The following RBM20 variants were observed in gnomAD, a reference collection of about 807,000 sequenced individuals.
The protein encoded by RBM20 is RNA binding motif protein 20, also known as RNA-binding protein 20.
Under a neutral mutation model 110.1 loss-of-function variants are expected in RBM20, and 51 were observed. That is an observed-to-expected ratio of 0.46 (90% confidence interval 0.37 to 0.59). RBM20 has a LOEUF of 0.59. Ranked by LOEUF, RBM20 falls within the 20% of genes least tolerant of loss-of-function variation. RBM20 has a pLI of 0.00. For missense variants in RBM20, 1,512 were observed against 1,574.9 expected (o/e 0.96, Z 0.68); for synonymous variants, 589 against 618.2 (o/e 0.95, Z 0.70).
At chr10:110,720,695 AC>A (rs1488228856) in intron 1 of RBM20, among the ~76,000 whole-genome samples, 2 of 146,224 alleles carry the variant, frequency 1.4e-5, no homozygotes, top group Non-Finnish European at 3.0e-5. Flanking sequence ...TGTCCATCCC[AC>A]CCTGCCCCTG....
intron 7 of RBM20, among the ~76,000 whole-genome samples, chr10:110,802,035 G>A (rs1844632929): frequency 6.6e-6 from 1 of 152,114 alleles, no homozygotes; most frequent in Admixed American, 6.5e-5. Context: ...GGAGCACGTA[G>A]TCTATTTGGA....
intron 1 of RBM20, among the ~76,000 whole-genome samples, chr10:110,697,573 A>G (rs1395550217): frequency 1.3e-5 from 2 of 152,204 alleles, no homozygotes; most frequent in South Asian, 4.1e-4. Flanking sequence ...GGCAGCCAGA[A>G]ATGTGGCACA....
intron 1 of RBM20, among the ~76,000 whole-genome samples, chr10:110,764,689 T>C (rs987847404): frequency 3.9e-5 from 6 of 152,172 alleles, no homozygotes; most frequent in African/African-American, 1.4e-4. Flanking sequence ...AGGCTTGTCA[T>C]GATTGGCATG....
At chr10:110,693,134 CT>C (rs1230607749) in intron 1 of RBM20, among the ~76,000 whole-genome samples, 1 of 151,994 alleles carries the variant, frequency 6.6e-6, no homozygotes, top group Non-Finnish European at 1.5e-5. Flanking sequence ...GTGTATAATT[CT>C]TTAAATATGC....
intron 1 of RBM20, among the ~76,000 whole-genome samples, chr10:110,733,211 T>C (rs1030263437): frequency 6.6e-6 from 1 of 152,244 alleles, no homozygotes; most frequent in Non-Finnish European, 1.5e-5. Flanking sequence ...TCTTGGGATC[T>C]CTTTCTGCCC....
chr10:110,760,207 G>T (rs140606085), intron 1 of RBM20, among the ~76,000 whole-genome samples: 3 of 152,198 alleles, frequency 2.0e-5, no homozygotes, highest in African/African-American at 7.2e-5. Context: ...CACCTGAATC[G>T]GGTGCTTTGG....
intron 1 of RBM20, among the ~76,000 whole-genome samples, chr10:110,766,273 G>A (rs1287216517): frequency 1.3e-5 from 2 of 151,976 alleles, no homozygotes; most frequent in South Asian, 2.1e-4. Context: ...GTATCTAACC[G>A]TTGTGAGGTT....
In RBM20 at chr10:110,812,063, AG is replaced by A. The variant is rs140844165; in HGVS notation, c.1881-214del. Among the ~76,000 whole-genome samples, 6,734 of 152,314 alleles carry A rather than the reference AG, an allele frequency of 0.044. 180 individuals are homozygous for A. The highest frequency in any genetic ancestry group is 0.085 in the South Asian group (410 of 4,820). On this transcript the variant is annotated intron_variant, in intron 8 of 13. Transcript: ENST00000369519. Reference sequence around the variant, plus strand: ...ATGAGTAAAGGCACAGCGAGTGGCCAGTGCTGTGCTTAGGAGAAGTCCTCTG... The same window carrying A: ...ATGAGTAAAGGCACAGCGAGTGGCCATGCTGTGCTTAGGAGAAGTCCTCTG...
intron 1 of RBM20, chr10:110,761,109 A>G (rs138383045): frequency 6.7e-6 from 1 of 149,740 alleles, no homozygotes; most frequent in East Asian, 2.0e-4. Context: ...AAAAAAAAAA[A>G]AAAAAAGAAA....
chr10:110,670,708 G>A (rs984600476), intron 1 of RBM20, among the ~76,000 whole-genome samples: 4 of 152,190 alleles, frequency 2.6e-5, no homozygotes, highest in East Asian at 1.9e-4. Context: ...TGCTCTTGAC[G>A]CAGGAAATAT....
intron 1 of RBM20, among the ~76,000 whole-genome samples, chr10:110,752,946 T>TATATATATATATATA (rs372172985): frequency 5.9e-4 from 37 of 62,290 alleles, no homozygotes; most frequent in African/African-American, 1.5e-3. Context: ...TATATATATA[T>TATATATATATATATA]TTTTTTTTTT....
intron 1 of RBM20, among the ~76,000 whole-genome samples, chr10:110,753,441 A>T (rs1187526957): frequency 6.6e-6 from 1 of 152,220 alleles, no homozygotes; most frequent in East Asian, 1.9e-4. Context: ...TTTACTCATC[A>T]TGCATCTGTC....
At chr10:110,711,960 G>A (rs1381766247) in intron 1 of RBM20, among the ~76,000 whole-genome samples, 1 of 152,078 alleles carries the variant, frequency 6.6e-6, no homozygotes, top group Non-Finnish European at 1.5e-5. Flanking sequence ...GATCTACAGT[G>A]GGAAAGTGCT....
At chr10:110,799,317 A>G (rs1844591558) in intron 6 of RBM20, among the ~76,000 whole-genome samples, 1 of 152,208 alleles carries the variant, frequency 6.6e-6, no homozygotes, top group Non-Finnish European at 1.5e-5. Context: ...ACAGACATAC[A>G]TAATTAATAA....
chr10:110,745,994 C>G (rs543345433), intron 1 of RBM20, among the ~76,000 whole-genome samples: 41 of 152,126 alleles, frequency 2.7e-4, no homozygotes, highest in African/African-American at 9.4e-4. Context: ...GATTTAGAAC[C>G]CTTTATTATT....
Position 110,739,637 on chromosome 10 carries a change from A to T in RBM20, c.192-41164A>T, listed in dbSNP as rs1843705099. On this transcript the variant is annotated intron_variant, in intron 1 of 13. Transcript: ENST00000369519. The surrounding 1 kb of genome is among the most constrained non-coding windows in gnomAD (Gnocchi z 4.1). Reference sequence around the variant, plus strand: ...ACGTGGTGGTGGAAGGCAGAGTGGCAGGGGAAAGAGCACCAGCATCAATGT... The same window carrying T: ...ACGTGGTGGTGGAAGGCAGAGTGGCTGGGGAAAGAGCACCAGCATCAATGT... Among the ~76,000 whole-genome samples, 1 of 152,198 alleles carries T rather than the reference A, an allele frequency of 6.6e-6. No homozygotes were observed. Among genetic ancestry groups the T allele is most frequent in the African/African-American group, 2.4e-5 (1 of 41,448 alleles).
intron 1 of RBM20, among the ~76,000 whole-genome samples, chr10:110,707,530 G>T (rs1862859153): frequency 6.6e-6 from 1 of 152,144 alleles, no homozygotes; most frequent in South Asian, 2.1e-4. Flanking sequence ...GGTTTTAAAA[G>T]GCAAAGAGCA....
chr10:110,652,079 A>C (rs1457617267), intron 1 of RBM20, among the ~76,000 whole-genome samples: 1 of 152,206 alleles, frequency 6.6e-6, no homozygotes, highest in Non-Finnish European at 1.5e-5. Flanking sequence ...AAACCACTTA[A>C]ATGTTTCTCA....
chr10:110,823,981 C>T (rs1844950934), intron 12 of RBM20, among the ~76,000 whole-genome samples: 1 of 151,944 alleles, frequency 6.6e-6, no homozygotes, highest in Non-Finnish European at 1.5e-5. Context: ...CCTGCCTCAG[C>T]TTCCCAAAGT....
Sources: gnomAD v4.1 joint callset for allele counts (sites outside exome capture counted in the v4.1 genomes callset) on GRCh38, gnomAD v4.1.1 for gene constraint, Gnocchi (gnomAD v3.1) non-coding constraint, MANE v1.5 for transcripts, NCBI Gene and HGNC (gene_info 2026-07-23, HGNC 2026-07-21) for gene names.